CELF2: variants seen among roughly 807,000 people sequenced by gnomAD.
CELF2 encodes CUG triplet repeat RNA-binding protein 2.
In CELF2, 8 loss-of-function variants were observed where a neutral mutation model predicts 62.6. The ratio of observed to expected loss-of-function variants is 0.13; its 90% confidence interval spans 0.07 to 0.23. CELF2 has a LOEUF of 0.23. Among genes scored for constraint, CELF2 ranks in the 10% least tolerant of loss-of-function variants. The pLI is 1.00. For missense variants in CELF2, 333 were observed against 671.0 expected (o/e 0.50, Z 5.56); for synonymous variants, 258 against 250.0 (o/e 1.03, Z -0.30).
chr10:10,633,809 A>G, the CELF2 span, among the ~76,000 whole-genome samples: 1 of 151,946 alleles, frequency 6.6e-6, no homozygotes, highest in Non-Finnish European at 1.5e-5. Flanking sequence ...TTTTTGTGAT[A>G]ATTATTATTT....
intron 2 of CELF2, among the ~76,000 whole-genome samples, chr10:11,201,442 G>A (rs976155376): frequency 6.6e-6 from 1 of 151,966 alleles, no homozygotes; most frequent in Admixed American, 6.6e-5. Context: ...TACTTTTTTT[G>A]TCACCTGTGT....
chr10:10,689,157 G>A, the CELF2 span, among the ~76,000 whole-genome samples: 1 of 152,130 alleles, frequency 6.6e-6, no homozygotes, highest in African/African-American at 2.4e-5. Flanking sequence ...GAAGAAGAGA[G>A]GTTTAATTGG....
chr10:11,054,128 T>A (rs2064605004), intron 1 of CELF2, among the ~76,000 whole-genome samples: 1 of 152,174 alleles, frequency 6.6e-6, no homozygotes, highest in Admixed American at 6.5e-5. Flanking sequence ...AAGTGAGATG[T>A]TGTTCATAAA....
At chr10:10,697,435 C>T in the CELF2 span, among the ~76,000 whole-genome samples, 9 of 152,126 alleles carry the variant, frequency 5.9e-5, no homozygotes, top group Admixed American at 3.3e-4. Flanking sequence ...GGAAGCTGGA[C>T]GGAGACCAGT....
rs1042873796 is a variant in CELF2, at chr10:11,034,749, G to A, written c.74+16586G>A. On this transcript the variant is annotated intron_variant, in intron 1 of 12. Transcript: ENST00000633077. ...TCTGGTATGATCCATGGAATTAATT[G>A]TGTAAGCAGTGGCATCTGGATTTTT... Among the ~76,000 whole-genome samples, 7 of 152,186 alleles carry A rather than the reference G, an allele frequency of 4.6e-5. No homozygotes were observed. The South Asian group carries it at 6.2e-4, about 13-fold the overall frequency.
the CELF2 span, among the ~76,000 whole-genome samples, chr10:10,785,884 G>C: frequency 6.6e-6 from 1 of 152,126 alleles, no homozygotes; most frequent in Non-Finnish European, 1.5e-5. Flanking sequence ...GAATTTAAGT[G>C]TTCTCACCAC....
the CELF2 span, among the ~76,000 whole-genome samples, chr10:10,739,766 A>C: frequency 6.6e-6 from 1 of 152,140 alleles, no homozygotes; most frequent in South Asian, 2.1e-4. Flanking sequence ...AGAATGTGAC[A>C]GTTTCAATCA....
At chr10:10,610,483 T>G in the CELF2 span, among the ~76,000 whole-genome samples, 1 of 152,230 alleles carries the variant, frequency 6.6e-6, no homozygotes, top group African/African-American at 2.4e-5. Flanking sequence ...GGTATTTTTT[T>G]AGAAGTGACA....
intron 1 of CELF2, among the ~76,000 whole-genome samples, chr10:10,917,518 T>A (rs998232121): frequency 6.6e-6 from 1 of 152,070 alleles, no homozygotes; most frequent in African/African-American, 2.4e-5. Context: ...TTTTCAAATG[T>A]TTAGTAGAGA....
intron 1 of CELF2, among the ~76,000 whole-genome samples, chr10:10,919,192 C>G (rs1392936563): frequency 6.6e-6 from 1 of 151,948 alleles, no homozygotes; most frequent in Non-Finnish European, 1.5e-5. Flanking sequence ...ATCGCTGGAA[C>G]CCAGGAGGCA....
chr10:11,310,045 A>G (rs1004286768), intron 9 of CELF2, among the ~76,000 whole-genome samples: 6 of 152,170 alleles, frequency 3.9e-5, no homozygotes, highest in African/African-American at 1.4e-4. Context: ...CTCTCCCAGC[A>G]TAAGACCTCC....
rs967098913 is a variant in CELF2 at position 11,075,886 on chromosome 10, C to G, written c.74+57723C>G. Among the ~76,000 whole-genome samples the G allele has an allele frequency of 9.9e-5, 15 of 152,100 alleles. No homozygotes were observed. Among genetic ancestry groups the G allele is most frequent in the African/African-American group, 3.6e-4 (15 of 41,430 alleles). ...TCAATTAATTAAAATGTTTAATAAA[C>G]TGCCAACATCAGTATCTCAGAATGA... On this transcript the variant is annotated intron_variant, in intron 1 of 12. Coordinates refer to ENST00000633077, the MANE Select transcript of CELF2 (RefSeq NM_001326342.2). This position sits in a 1 kb window ranked among gnomAD's most constrained non-coding sequence, Gnocchi z 5.4.
At chr10:10,895,189 G>C (rs148046228) in intron 1 of CELF2, among the ~76,000 whole-genome samples, 1 of 152,152 alleles carries the variant, frequency 6.6e-6, no homozygotes, top group Admixed American at 6.5e-5. Flanking sequence ...GAGCCCAGCT[G>C]CCTCCTGATG....
Position 11,197,883 on chromosome 10 carries a change from T to C in CELF2, c.272-19542T>C, listed in dbSNP as rs540521548. On this transcript the variant is annotated intron_variant, in intron 2 of 12. Transcript: ENST00000633077. Reference sequence around the variant, plus strand: ...ATTTTATGAAGGCTATTTCTTGATATTTGTTTATTACTCCTTTAAAAATGT... The same window carrying C: ...ATTTTATGAAGGCTATTTCTTGATACTTGTTTATTACTCCTTTAAAAATGT... Among the ~76,000 whole-genome samples, 6 of 152,370 alleles carry C rather than the reference T, an allele frequency of 3.9e-5. No individual in the cohort carries two copies. The South Asian group carries it at 1.0e-3, about 26-fold the overall frequency.
the CELF2 span, among the ~76,000 whole-genome samples, chr10:10,634,792 GC>G: frequency 6.6e-6 from 1 of 151,784 alleles, no homozygotes; most frequent in African/African-American, 2.4e-5. Context: ...CTCCCGAGTA[GC>G]TGGGACTACA....
intron 2 of CELF2, among the ~76,000 whole-genome samples, chr10:10,943,283 G>A (rs576870799): frequency 3.3e-5 from 5 of 152,270 alleles, no homozygotes; most frequent in South Asian, 4.1e-4. Context: ...AACCTCTAGC[G>A]TTTGGTAAGA....
chr10:10,498,992 C>T, the CELF2 span, among the ~76,000 whole-genome samples: 1 of 151,958 alleles, frequency 6.6e-6, no homozygotes, highest in Non-Finnish European at 1.5e-5. Context: ...AGAGAGTCTG[C>T]ATGGTCCCTG....
At chr10:10,803,765 T>A (rs1283957754) in intron 1 of CELF2, among the ~76,000 whole-genome samples, 1 of 152,240 alleles carries the variant, frequency 6.6e-6, no homozygotes, top group Non-Finnish European at 1.5e-5. Flanking sequence ...ATGCACTGTT[T>A]GTGTATTTAA....
At chr10:10,768,687 C>T in the CELF2 span, among the ~76,000 whole-genome samples, 1 of 151,788 alleles carries the variant, frequency 6.6e-6, no homozygotes, top group African/African-American at 2.4e-5. Context: ...GATTCTCCTG[C>T]CTCAGGTTCC....
Sources: allele counts gnomAD v4.1 joint callset (sites outside exome capture counted in the v4.1 genomes callset), GRCh38; gene constraint gnomAD v4.1.1; non-coding constraint Gnocchi (gnomAD v3.1); transcripts MANE v1.5; gene names NCBI Gene and HGNC (gene_info 2026-07-23, HGNC 2026-07-21).